The following DNAAF9 variants were observed in gnomAD, a reference collection of about 807,000 sequenced individuals.
The protein encoded by DNAAF9 is shulin.
DNAAF9 carries 90 observed loss-of-function variants against 167.0 expected under a neutral mutation model. The observed-to-expected ratio is 0.54, with a 90% confidence interval of 0.45 to 0.64. The LOEUF is 0.64. DNAAF9 is among the 30% of genes least tolerant of loss of function. The pLI is 0.00. For synonymous variants in DNAAF9, 491 were observed against 508.8 expected, an observed-to-expected ratio of 0.96 and a Z score of 0.47; for missense variants, 1,315 against 1,442.2, an observed-to-expected ratio of 0.91 and a Z score of 1.43.
At chr20:3,404,196 ATTT>A (rs903662366) in intron 1 of DNAAF9, among the ~76,000 whole-genome samples, 1 of 151,984 alleles carries the variant, frequency 6.6e-6, no homozygotes, top group African/African-American at 2.4e-5. Flanking sequence ...TGCCCAGCTA[ATTT>A]TTTTGTGTGT....
chr20:3,317,360 CAAAAAAAAA>C (rs756394932), intron 17 of DNAAF9, among the ~76,000 whole-genome samples: 1 of 99,528 alleles, frequency 1.0e-5, no homozygotes, highest in Non-Finnish European at 2.0e-5. Context: ...GACCTTGTCT[CAAAAAAAAA>C]AAAAAAAAAA....
intron 30 of DNAAF9, 79 bp downstream of exon 30, chr20:3,270,348 T>C (rs2068571318): frequency 1.5e-6 from 2 of 1,365,004 alleles, no homozygotes; most frequent in Non-Finnish European, 2.1e-6. Context: ...TTAGATACAG[T>C]AGAAAGACTC....
At position 3,264,435 on chromosome 20, in the gene DNAAF9, T is replaced by C. The variant is rs375321074; in HGVS notation, c.2873+3A>G. ...TTAGTTATTTTTCAATGATGATACT[T>C]GCCAGCCAGGATACATTAAATATCG... On this transcript the variant is annotated splice_donor_region_variant and intron_variant, in intron 31 of 36. Coordinates refer to ENST00000252032, the MANE Select transcript of DNAAF9 (RefSeq NM_001009984.3). 4 of 1,337,238 alleles carry C rather than the reference T, an allele frequency of 3.0e-6. No homozygotes were observed. The highest frequency in any genetic ancestry group is 4.3e-6 in the Non-Finnish European group (4 of 935,210). 82.8% of individuals were successfully genotyped at this position (1,337,238 alleles called of 1,614,324 possible).
chr20:3,338,223 A>G (rs2070004347), intron 10 of DNAAF9, among the ~76,000 whole-genome samples: 1 of 151,954 alleles, frequency 6.6e-6, no homozygotes, highest in Admixed American at 6.6e-5. Context: ...CTTTTGAAGG[A>G]TAAGTTTGTT....
In DNAAF9 at chr20:3,255,266, G is replaced by C; in HGVS notation, c.3280C>G (p.Leu1094Val). The C allele has an allele frequency of 1.3e-6, 2 of 1,550,866 alleles. No homozygotes were observed. Among genetic ancestry groups the C allele is most frequent in the Non-Finnish European group, 1.7e-6 (2 of 1,146,352 alleles). The change falls in exon 35 of 37, where the codon CTG (leucine) becomes GTG (valine). Residue 1094 changes from leucine (L) to valine (V), a missense_variant. By Grantham distance (32) the Leu-to-Val change is conservative. Around this residue, in one of 2 missense-constraint regions of DNAAF9, gnomAD observed 334 missense variants for 429.7 expected, o/e 0.78. Transcript: ENST00000252032. ...SAKQKPQRKA[L>V]KTRGMLTQQE... ...TGCGTCAGCATCCCCCTGGTCTTCA[G>C]GGCTTTCCTCTGAGGCTTCTGCAGA...
At chr20:3,387,768 C>A (rs2083765841) in intron 1 of DNAAF9, among the ~76,000 whole-genome samples, 1 of 151,332 alleles carries the variant, frequency 6.6e-6, no homozygotes, top group African/African-American at 2.4e-5. Flanking sequence ...TGAAGCCAGG[C>A]AGGTGGTTCA....
chr20:3,405,301 C>T (rs373432675), intron 1 of DNAAF9, among the ~76,000 whole-genome samples: 2 of 152,192 alleles, frequency 1.3e-5, no homozygotes, highest in East Asian at 3.8e-4. Context: ...CATACACTTG[C>T]AGAGTACTAT....
intron 29 of DNAAF9, among the ~76,000 whole-genome samples, chr20:3,273,952 C>G (rs1600687116): frequency 6.6e-6 from 1 of 152,036 alleles, no homozygotes; most frequent in South Asian, 2.1e-4. Context: ...CTTTTCCCCC[C>G]ACTTACTCCC....
intron 1 of DNAAF9, among the ~76,000 whole-genome samples, chr20:3,382,709 C>T (rs1168247832): frequency 6.6e-6 from 1 of 152,100 alleles, no homozygotes; most frequent in South Asian, 2.1e-4. Flanking sequence ...AGAGGTTGTG[C>T]AGAACTGGTC....
intron 7 of DNAAF9, among the ~76,000 whole-genome samples, chr20:3,359,193 G>T (rs1287034582): frequency 1.3e-5 from 2 of 152,240 alleles, no homozygotes; most frequent in South Asian, 4.1e-4. Context: ...TCATGCCAGA[G>T]AAAGCCTTCT....
intron 29 of DNAAF9, 40 bp from the exon 30 acceptor site, chr20:3,270,602 T>C (rs6037526): frequency 0.19 from 302,286 of 1,592,110 alleles, 29,676 homozygotes; most frequent in African/African-American, 0.24. Context: ...TTCACAGTCC[T>C]GGTTAGGGGT....
At position 3,252,604 on chromosome 20, in the gene DNAAF9, C is replaced by T. The variant is rs1339280832; in HGVS notation, c.3502G>A (p.Glu1168Lys). The T allele has an allele frequency of 1.9e-6, 3 of 1,611,050 alleles. No individual in the cohort carries two copies. The highest frequency in any genetic ancestry group is 2.7e-5 in the African/African-American group (2 of 74,860). ...TTCAGCTCAAAGAGGTCATGATACTCCTGCTGTTCCAGCTCCTGGTTATAC... is the reference window on the plus strand; with the variant it reads ...TTCAGCTCAAAGAGGTCATGATACTTCTGCTGTTCCAGCTCCTGGTTATAC... ...EKYNQELEQQ[E>K]YHDLFELKP The change falls in exon 37 of 37, where the codon GAG becomes AAG. Residue 1168 changes from glutamate (E) to lysine (K), a missense_variant. Coordinates refer to ENST00000252032, the MANE Select transcript of DNAAF9 (RefSeq NM_001009984.3).
chr20:3,259,337 G>C (rs949311366), intron 33 of DNAAF9, 143 bp downstream of exon 33: 2 of 685,298 alleles, frequency 2.9e-6, no homozygotes, highest in African/African-American at 3.5e-5. Context: ...AAGCCTGATG[G>C]CGTGAAGGCC....
intron 17 of DNAAF9, 25 bp downstream of exon 17, chr20:3,318,264 C>T (rs2069546239): frequency 2.1e-6 from 2 of 933,136 alleles, no homozygotes; most frequent in African/African-American, 1.7e-5. Context: ...TTAAGGTTTG[C>T]TTTCTAAAGA....
chr20:3,325,816 T>C (rs1184735273), intron 13 of DNAAF9, among the ~76,000 whole-genome samples: 1 of 152,050 alleles, frequency 6.6e-6, no homozygotes, highest in Non-Finnish European at 1.5e-5. Flanking sequence ...AACACTGAGT[T>C]ATAGGAAATC....
At position 3,268,897 on chromosome 20, in the gene DNAAF9, C is replaced by CTTTT. The variant is rs386393120; in HGVS notation, c.2786+1526_2786+1529dup. On this transcript the variant is annotated intron_variant, in intron 30 of 36. Coordinates refer to ENST00000252032, the MANE Select transcript of DNAAF9 (RefSeq NM_001009984.3). ...GTAAAGAGATAATATCTCTATGTTA[C>CTTTT]TTTTTTTTTTTTTTTTTTTTTTTTG... is the stretch of plus-strand genomic sequence containing the variant. Among the ~76,000 whole-genome samples the CTTTT allele has an allele frequency of 7.8e-4, 67 of 85,838 alleles. 6 individuals carry two copies. Among genetic ancestry groups the CTTTT allele is most frequent in the East Asian group, 6.3e-3 (19 of 3,006 alleles). 56.3% of individuals were successfully genotyped at this position (85,838 alleles called of 152,430 possible).
chr20:3,392,583 A>G (rs2123279198), intron 1 of DNAAF9, among the ~76,000 whole-genome samples: 1 of 152,338 alleles, frequency 6.6e-6, no homozygotes, highest in East Asian at 1.9e-4. Context: ...AGTCGTGGGT[A>G]CAATATATGT....
At chr20:3,262,883 T>A (rs1457953475) in intron 31 of DNAAF9, among the ~76,000 whole-genome samples, 19 of 151,922 alleles carry the variant, frequency 1.3e-4, no homozygotes, top group Admixed American at 1.2e-3. Flanking sequence ...AGATTCCTTC[T>A]AAGAATATGC....
chr20:3,310,164 C>T lies in DNAAF9; in HGVS notation c.1678+4869G>A, dbSNP rs1395348266. Among the ~76,000 whole-genome samples the T allele has an allele frequency of 3.3e-5, 5 of 150,554 alleles. No homozygotes were observed. The Admixed American group carries it at 3.3e-4, about 10-fold the overall frequency. ...CCAAGATCGTGCCATTGCACTCTAG[C>T]CCAGGCAACAAGAGTGAAACTCCAT... is the stretch of plus-strand genomic sequence containing the variant. On this transcript the variant is annotated intron_variant, in intron 20 of 36. Coordinates refer to ENST00000252032, the MANE Select transcript of DNAAF9 (RefSeq NM_001009984.3).
Sources: gnomAD v4.1 joint callset for allele counts (sites outside exome capture counted in the v4.1 genomes callset) on GRCh38, gnomAD v4.1.1 for gene constraint, gnomAD v4.1.1 regional missense constraint, MANE v1.5 for transcripts, NCBI Gene and HGNC (gene_info 2026-07-23, HGNC 2026-07-21) for gene names.